TBC1D5: variants seen among roughly 807,000 people sequenced by gnomAD.
TBC1D5 encodes the protein TBC1 domain family, member 5.
A neutral mutation model predicts 100.3 loss-of-function variants in TBC1D5; 75 were observed. The ratio of observed to expected loss-of-function variants is 0.75; its 90% CI spans 0.62 to 0.91. TBC1D5 has a LOEUF of 0.91. TBC1D5 is among the 40% of genes least tolerant of loss of function. TBC1D5 has a pLI of 0.00. For missense variants in TBC1D5, 910 were observed against 942.4 expected (o/e 0.97, Z 0.45); for synonymous variants, 323 against 325.6 (o/e 0.99, Z 0.09).
At chr3:17,321,032 T>C (rs2085339817) in intron 13 of TBC1D5, among the ~76,000 whole-genome samples, 1 of 152,212 alleles carries the variant, frequency 6.6e-6, no homozygotes, top group South Asian at 2.1e-4. Context: ...TGAAAAATTA[T>C]TTTTGAAATT....
At chr3:17,667,445 A>G (rs1393380918) in intron 1 of TBC1D5, among the ~76,000 whole-genome samples, 1 of 152,086 alleles carries the variant, frequency 6.6e-6, no homozygotes, top group East Asian at 1.9e-4. Flanking sequence ...AGAATCCACT[A>G]AGAAAAAATT....
chr3:17,594,309 T>A (rs1051261498), intron 2 of TBC1D5, among the ~76,000 whole-genome samples: 3 of 152,198 alleles, frequency 2.0e-5, no homozygotes, highest in African/African-American at 2.4e-5. Flanking sequence ...AGTATTACCA[T>A]GCCTTGTGAT....
chr3:17,275,761 G>C (rs2079927288), intron 15 of TBC1D5, among the ~76,000 whole-genome samples: 1 of 152,184 alleles, frequency 6.6e-6, no homozygotes, highest in Admixed American at 6.5e-5. Flanking sequence ...AAAGCCAGTG[G>C]GAAAGACGGC....
At chr3:17,731,504 CAA>C (rs11306215) in intron 1 of TBC1D5, among the ~76,000 whole-genome samples, 1,272 of 90,802 alleles carry the variant, frequency 0.014, 3 homozygotes, top group Non-Finnish European at 0.021. Context: ...GACTCTGTCT[CAA>C]AAAAAAAAAA....
At chr3:17,489,018 G>A (rs115475116) in intron 3 of TBC1D5, among the ~76,000 whole-genome samples, 76 of 151,190 alleles carry the variant, frequency 5.0e-4, no homozygotes, top group African/African-American at 1.6e-3. Flanking sequence ...ACCGGACTCC[G>A]GTCCATGGAA....
At chr3:17,270,540 C>G (rs1018154807) in intron 15 of TBC1D5, among the ~76,000 whole-genome samples, 1 of 152,094 alleles carries the variant, frequency 6.6e-6, no homozygotes, top group South Asian at 2.1e-4. Context: ...TCCCATTATG[C>G]AAAGTTTGCA....
intron 18 of TBC1D5, among the ~76,000 whole-genome samples, chr3:17,206,158 T>C (rs1385455557): frequency 6.6e-6 from 1 of 152,168 alleles, no homozygotes; most frequent in East Asian, 1.9e-4. Context: ...TTGTATTTAA[T>C]GGGAGAAGAA....
intron 15 of TBC1D5, among the ~76,000 whole-genome samples, chr3:17,289,896 T>TA (rs1389623255): frequency 1.3e-5 from 2 of 152,194 alleles, no homozygotes; most frequent in African/African-American, 4.8e-5. Flanking sequence ...AGTTACTACT[T>TA]AAAATCTGTA....
At chr3:17,491,701 C>A (rs2095642282) in intron 3 of TBC1D5, among the ~76,000 whole-genome samples, 1 of 152,056 alleles carries the variant, frequency 6.6e-6, no homozygotes, top group Non-Finnish European at 1.5e-5. Context: ...CGGTGGTTTG[C>A]CAGTATTTTA....
chr3:17,360,525 A>G (rs2091609844), intron 13 of TBC1D5, among the ~76,000 whole-genome samples: 1 of 151,960 alleles, frequency 6.6e-6, no homozygotes, highest in Non-Finnish European at 1.5e-5. Context: ...ATCATGAACT[A>G]TTTTGGCCTA....
chr3:17,309,959 G>A (rs1010951285), intron 13 of TBC1D5, among the ~76,000 whole-genome samples: 2 of 152,064 alleles, frequency 1.3e-5, no homozygotes, highest in African/African-American at 2.4e-5. Flanking sequence ...GAAAGTAGAT[G>A]AAGGTTAATA....
chr3:17,196,015 ACATCT>A (rs1241932118), intron 18 of TBC1D5, among the ~76,000 whole-genome samples: 2 of 152,188 alleles, frequency 1.3e-5, no homozygotes, highest in Non-Finnish European at 2.9e-5. Context: ...AAAGCCTAAG[ACATCT>A]CAATACTTGC....
chr3:17,644,833 C>A (rs2064867007), intron 1 of TBC1D5, among the ~76,000 whole-genome samples: 1 of 152,076 alleles, frequency 6.6e-6, no homozygotes. Flanking sequence ...TCTGATCTTA[C>A]AAATTACTGT....
intron 3 of TBC1D5, among the ~76,000 whole-genome samples, chr3:17,499,215 G>C (rs2095753745): frequency 6.6e-6 from 1 of 152,146 alleles, no homozygotes; most frequent in Non-Finnish European, 1.5e-5. Flanking sequence ...TGCTATGAAA[G>C]GAGTTAACAG....
chr3:17,372,315 T>G, intron 12 of TBC1D5, 68 bp from the exon 13 acceptor site: 1 of 1,386,758 alleles, frequency 7.2e-7, no homozygotes, highest in Non-Finnish European at 9.6e-7. Flanking sequence ...ATGTCATTCT[T>G]TATCAATGAC....
chr3:17,261,257 A>G (rs1426618334), intron 15 of TBC1D5, among the ~76,000 whole-genome samples: 1 of 152,228 alleles, frequency 6.6e-6, no homozygotes, highest in Non-Finnish European at 1.5e-5. Context: ...CACACAAACA[A>G]CAACCAAAAC....
At chr3:17,525,304 T>A (rs2096119800) in intron 2 of TBC1D5, among the ~76,000 whole-genome samples, 1 of 152,214 alleles carries the variant, frequency 6.6e-6, no homozygotes, top group African/African-American at 2.4e-5. Context: ...TAATTTTTTT[T>A]ATTTTTAGTA....
chr3:17,371,433 T>C (rs1559740729), intron 13 of TBC1D5, among the ~76,000 whole-genome samples: 1 of 152,184 alleles, frequency 6.6e-6, no homozygotes, highest in Non-Finnish European at 1.5e-5. Flanking sequence ...TCTTTTGCAC[T>C]GAGCTCTGCA....
At chr3:17,694,715 G>C (rs2071734303) in intron 1 of TBC1D5, among the ~76,000 whole-genome samples, 1 of 152,130 alleles carries the variant, frequency 6.6e-6, no homozygotes, top group African/African-American at 2.4e-5. Context: ...TAGCAAGGCA[G>C]GCCAACATTC....
Sources: allele counts gnomAD v4.1 joint callset (sites outside exome capture counted in the v4.1 genomes callset), GRCh38; gene constraint gnomAD v4.1.1; transcripts MANE v1.5; gene names NCBI Gene and HGNC (gene_info 2026-07-23, HGNC 2026-07-21).